Variants in GPC6 observed in about 807,000 individuals in gnomAD.
The protein encoded by GPC6 is glypican 6.
Under a neutral mutation model 55.2 loss-of-function variants are expected in GPC6, and 14 were observed. That is an observed-to-expected ratio of 0.25 (90% CI 0.17 to 0.40). GPC6 has a LOEUF of 0.40. Among genes scored for constraint, GPC6 ranks in the 10% least tolerant of loss-of-function variants. GPC6 has a pLI of 1.00. For missense variants in GPC6, 641 were observed against 708.5 expected (o/e 0.90, Z 1.08); for synonymous variants, 278 against 259.6 (o/e 1.07, Z -0.68).
At chr13:93,764,114 T>C (rs1046923834) in intron 2 of GPC6, among the ~76,000 whole-genome samples, 10 of 152,164 alleles carry the variant, frequency 6.6e-5, no homozygotes, top group Admixed American at 1.3e-4. Flanking sequence ...CTCCTCTTAA[T>C]TTAGATACCT....
chr13:94,018,727 A>T (rs1882582242), intron 3 of GPC6, among the ~76,000 whole-genome samples: 1 of 152,224 alleles, frequency 6.6e-6, no homozygotes, highest in Non-Finnish European at 1.5e-5. Flanking sequence ...CCTGTTAGGA[A>T]CGGGTTCACA....
chr13:93,870,058 TC>T (rs1185841134), intron 3 of GPC6, among the ~76,000 whole-genome samples: 2 of 151,856 alleles, frequency 1.3e-5, no homozygotes, highest in Non-Finnish European at 2.9e-5. Context: ...TTTGGAAGAT[TC>T]AGGATTTGAA....
At position 93,227,505 on chromosome 13, in the gene GPC6, C is replaced by A. The variant is rs748464893; in HGVS notation, c.49C>A (p.Leu17Ile). 32 of 1,613,762 alleles carry A rather than the reference C, an allele frequency of 2.0e-5. No homozygotes were observed. Among genetic ancestry groups the A allele is most frequent in the Non-Finnish European group, 2.7e-5 (32 of 1,179,816 alleles). The change falls in exon 1 of 9, where the codon CTC becomes ATC. Residue 17 changes from leucine (L) to isoleucine (I), a missense_variant. By Grantham distance (5) the Leu-to-Ile change is conservative. Coordinates refer to ENST00000377047, the MANE Select transcript of GPC6 (RefSeq NM_005708.5). This position sits in a 1 kb window ranked among gnomAD's most constrained non-coding sequence, Gnocchi z 4.3. Reference sequence around the variant, plus strand: ...GATTCTTCCCCTCTTGGGGCTGCTGCTCTCCCTCCCCGCCGGGGCGGATGT... The same window carrying A: ...GATTCTTCCCCTCTTGGGGCTGCTGATCTCCCTCCCCGCCGGGGCGGATGT... ...AVILPLLGLLLSLPAGADVKA... is the reference protein window; with the variant it reads ...AVILPLLGLLISLPAGADVKA...
chr13:93,314,709 A>AGG (rs1228457605), intron 1 of GPC6, among the ~76,000 whole-genome samples: 5 of 131,816 alleles, frequency 3.8e-5, no homozygotes, highest in African/African-American at 1.2e-4. Flanking sequence ...GAAAACAAGG[A>AGG]GGGGTGTGTG....
At chr13:93,504,765 T>C (rs1416310826) in intron 1 of GPC6, among the ~76,000 whole-genome samples, 2 of 152,076 alleles carry the variant, frequency 1.3e-5, no homozygotes, top group Non-Finnish European at 2.9e-5. Flanking sequence ...AACAACAACA[T>C]TGAGTTCCTA....
intron 4 of GPC6, among the ~76,000 whole-genome samples, chr13:94,257,660 C>T (rs146690387): frequency 2.0e-5 from 3 of 152,304 alleles, no homozygotes; most frequent in East Asian, 1.9e-4. Flanking sequence ...CCCTTGAACA[C>T]GGTGACTTGA....
At chr13:93,477,358 A>C (rs1379711336) in intron 1 of GPC6, among the ~76,000 whole-genome samples, 2 of 152,154 alleles carry the variant, frequency 1.3e-5, no homozygotes, top group African/African-American at 4.8e-5. Context: ...GAGAGAAAGG[A>C]AGATCCCTCT....
At chr13:93,273,040 G>GCTGAAATGCAACAAAAGCCGAAATGAC in intron 1 of GPC6, among the ~76,000 whole-genome samples, 1 of 152,288 alleles carries the variant, frequency 6.6e-6, no homozygotes, top group Non-Finnish European at 1.5e-5. Flanking sequence ...CTCAACAAAA[G>GCTGAAATGCAACAAAAGCCGAAATGAC]CTGAAATGCA....
chr13:93,538,069 A>G (rs1882129769), intron 1 of GPC6, among the ~76,000 whole-genome samples: 3 of 152,090 alleles, frequency 2.0e-5, no homozygotes, highest in Admixed American at 1.3e-4. Context: ...ACATGAAATC[A>G]TTGCAGTTTA....
chr13:93,527,523 C>T (rs973141402), intron 1 of GPC6, among the ~76,000 whole-genome samples: 3 of 152,096 alleles, frequency 2.0e-5, no homozygotes, highest in African/African-American at 7.2e-5. Flanking sequence ...TAATGCTTGA[C>T]TGTACTGCTG....
At chr13:93,369,822 T>C (rs1881387337) in intron 1 of GPC6, among the ~76,000 whole-genome samples, 1 of 152,174 alleles carries the variant, frequency 6.6e-6, no homozygotes, top group African/African-American at 2.4e-5. Context: ...TTTTATAATA[T>C]TTCCAGCTTT....
intron 3 of GPC6, among the ~76,000 whole-genome samples, chr13:93,934,487 C>T (rs1244656853): frequency 1.3e-5 from 2 of 152,134 alleles, no homozygotes; most frequent in Admixed American, 6.5e-5. Flanking sequence ...CCACTTGACA[C>T]TATACAATTC....
chr13:93,997,406 T>C (rs1425997896), intron 3 of GPC6, among the ~76,000 whole-genome samples: 2 of 152,156 alleles, frequency 1.3e-5, no homozygotes, highest in Non-Finnish European at 2.9e-5. Context: ...GCATCGACTT[T>C]ACCCAATTAG....
chr13:94,403,479 G>A lies in GPC6; in HGVS notation c.*262G>A, dbSNP rs546862297. The A allele has an allele frequency of 1.6e-4, 79 of 489,202 alleles. No individual in the cohort carries two copies. In the Admixed American group the frequency reaches 2.5e-3, roughly 15 times the overall value. 30.3% of individuals were successfully genotyped at this position (489,202 alleles called of 1,614,324 possible). On this transcript the variant is annotated 3_prime_UTR_variant, in exon 9 of 9. Transcript: ENST00000377047. The stretch of plus-strand genomic sequence containing the variant: ...TTCTTACTCAAATTTTTCGTACCAG[G>A]AGATTTTCTTACCTTCATTTGCTTT...
intron 4 of GPC6, among the ~76,000 whole-genome samples, chr13:94,189,163 G>A (rs946632975): frequency 2.6e-5 from 4 of 152,166 alleles, no homozygotes; most frequent in East Asian, 3.9e-4. Flanking sequence ...AGGTGGTGGC[G>A]GATGTTTTCT....
At chr13:93,436,894 G>C (rs961752531) in intron 1 of GPC6, among the ~76,000 whole-genome samples, 1 of 151,552 alleles carries the variant, frequency 6.6e-6, no homozygotes, top group African/African-American at 2.4e-5. Flanking sequence ...TTTTTTGGGG[G>C]GTTTGTTTAC....
chr13:93,942,737 C>G (rs534021142), intron 3 of GPC6, among the ~76,000 whole-genome samples: 1 of 152,120 alleles, frequency 6.6e-6, no homozygotes, highest in Non-Finnish European at 1.5e-5. Flanking sequence ...GGGAGGGGTA[C>G]GAGTGCCAGA....
intron 1 of GPC6, among the ~76,000 whole-genome samples, chr13:93,374,709 G>A (rs1374979003): frequency 6.6e-6 from 1 of 152,110 alleles, no homozygotes; most frequent in Non-Finnish European, 1.5e-5. Flanking sequence ...AATAGAGAAT[G>A]AGAAACCTAA....
chr13:94,222,765 A>T (rs1594072735), intron 4 of GPC6, among the ~76,000 whole-genome samples: 1 of 152,148 alleles, frequency 6.6e-6, no homozygotes, highest in East Asian at 1.9e-4. Context: ...CCTTCATTTC[A>T]TCTGCTTCTT....
Sources: allele counts gnomAD v4.1 joint callset (sites outside exome capture counted in the v4.1 genomes callset), GRCh38; gene constraint gnomAD v4.1.1; non-coding constraint Gnocchi (gnomAD v3.1); transcripts MANE v1.5; gene names NCBI Gene and HGNC (gene_info 2026-07-23, HGNC 2026-07-21).